ADAM18: variants seen among roughly 807,000 people sequenced by gnomAD.
ADAM18 encodes the protein disintegrin and metalloproteinase domain-containing protein 18.
A neutral mutation model predicts 94.4 loss-of-function variants in ADAM18; 117 were observed. That is an observed-to-expected ratio of 1.24 (90% confidence interval 1.07 to 1.45). The LOEUF (loss-of-function observed/expected upper bound fraction) is 1.45. Ranked by LOEUF, ADAM18 falls within the 40% of genes most tolerant of loss-of-function variation. The probability of loss-of-function intolerance (pLI) is 0.00; values close to 1 mark genes in which losing one functional copy is unlikely to be tolerated. For missense variants in ADAM18, 936 were observed against 880.0 expected (o/e 1.06, Z -0.81); for synonymous variants, 327 against 291.6 (o/e 1.12, Z -1.24).
At position 39,619,411 on chromosome 8, in the gene ADAM18, T is replaced by A. The variant is rs117157863; in HGVS notation, c.522+8705T>A. The stretch of plus-strand genomic sequence containing the variant: ...GAGCATTCTCCAGGATAAGTCATAT[T>A]CTGTGACACAAAACAAGTCTTAACA... On this transcript the variant is annotated intron_variant, in intron 6 of 19. Transcript: ENST00000265707. Among the ~76,000 whole-genome samples, 1,017 of 152,346 alleles carry A rather than the reference T, an allele frequency of 6.7e-3. 10 individuals are homozygous for A. The highest frequency in any genetic ancestry group is 0.037 in the Middle Eastern group (11 of 294).
At chr8:39,721,535 GAGTCTATA>G (rs1188237948) in intron 18 of ADAM18, among the ~76,000 whole-genome samples, 2 of 151,330 alleles carry the variant, frequency 1.3e-5, no homozygotes, top group Non-Finnish European at 3.0e-5. Flanking sequence ...CTGTTATCCA[GAGTCTATA>G]AGGAACTAAA....
chr8:39,718,792 T>C (rs1822657394), intron 18 of ADAM18, among the ~76,000 whole-genome samples: 1 of 85,570 alleles, frequency 1.2e-5, no homozygotes, highest in Non-Finnish European at 3.3e-5. Context: ...AGCCAGAAAA[T>C]GTGAGATTGT....
At chr8:39,596,633 T>C (rs1243238256) in intron 2 of ADAM18, among the ~76,000 whole-genome samples, 1 of 152,206 alleles carries the variant, frequency 6.6e-6, no homozygotes, top group Non-Finnish European at 1.5e-5. Flanking sequence ...CTGCCATAAA[T>C]ATTTCTGTAT....
At chr8:39,609,332 T>C (rs896366711) in intron 4 of ADAM18, among the ~76,000 whole-genome samples, 153 bp from the exon 5 acceptor site, 1 of 152,140 alleles carries the variant, frequency 6.6e-6, no homozygotes, top group Non-Finnish European at 1.5e-5. Flanking sequence ...ATAAAGAGAA[T>C]TGTCACAAAT....
chr8:39,707,031 G>A (rs993766586), intron 18 of ADAM18, 127 bp downstream of exon 18: 1 of 579,160 alleles, frequency 1.7e-6, no homozygotes, highest in Non-Finnish European at 3.0e-6. Flanking sequence ...ATTTGTGGGG[G>A]ATACATTCTA....
intron 7 of ADAM18, among the ~76,000 whole-genome samples, chr8:39,632,963 G>A (rs1819974199): frequency 1.3e-5 from 2 of 152,100 alleles, no homozygotes; most frequent in African/African-American, 4.8e-5. Flanking sequence ...ATGACTTTAA[G>A]GCATGAGGCA....
At chr8:39,663,992 T>A in intron 13 of ADAM18, 102 bp downstream of exon 13, 1 of 775,480 alleles carries the variant, frequency 1.3e-6, no homozygotes, top group Non-Finnish European at 2.0e-6. Context: ...ATAAGGAATT[T>A]AGTGAAATAA....
intron 12 of ADAM18, among the ~76,000 whole-genome samples, chr8:39,661,049 T>C (rs1389305545): frequency 6.6e-6 from 1 of 152,030 alleles, no homozygotes; most frequent in African/African-American, 2.4e-5. Context: ...TTTGGGATTC[T>C]AGAATTTTGG....
At chr8:39,706,429 A>G (rs1283451914) in intron 17 of ADAM18, among the ~76,000 whole-genome samples, 1 of 152,144 alleles carries the variant, frequency 6.6e-6, no homozygotes, top group African/African-American at 2.4e-5. Flanking sequence ...AAATGTCCAA[A>G]TAGTGACAAC....
intron 17 of ADAM18, among the ~76,000 whole-genome samples, chr8:39,699,687 A>T (rs1822011499): frequency 1.3e-5 from 2 of 152,170 alleles, no homozygotes; most frequent in Admixed American, 1.3e-4. Context: ...TGCTGATTGA[A>T]TACAAGTGTG....
intron 2 of ADAM18, among the ~76,000 whole-genome samples, chr8:39,594,877 T>C (rs1011780242): frequency 2.0e-5 from 3 of 151,238 alleles, no homozygotes; most frequent in African/African-American, 7.3e-5. Context: ...AGGTTTATGA[T>C]TTTGTCAAAT....
intron 2 of ADAM18, among the ~76,000 whole-genome samples, chr8:39,597,694 C>T (rs368302761): frequency 5.9e-5 from 9 of 152,138 alleles, no homozygotes; most frequent in African/African-American, 2.2e-4. Flanking sequence ...ATAGTTCAGT[C>T]TTGACATCAG....
At chr8:39,724,853 A>G (rs977764542) in intron 19 of ADAM18, among the ~76,000 whole-genome samples, 1 of 151,970 alleles carries the variant, frequency 6.6e-6, no homozygotes, top group African/African-American at 2.4e-5. Context: ...CCAAATATTT[A>G]TAGATTTCCC....
chr8:39,587,225 CTAA>C (rs1818430575), intron 2 of ADAM18, among the ~76,000 whole-genome samples: 2 of 152,136 alleles, frequency 1.3e-5, no homozygotes, highest in Non-Finnish European at 2.9e-5. Context: ...GTGTTTTGTG[CTAA>C]GAATGCTGAA....
At chr8:39,585,254 C>G (rs1303259988) in intron 1 of ADAM18, 22 bp from the exon 2 acceptor site, 2 of 1,599,088 alleles carry the variant, frequency 1.3e-6, no homozygotes, top group Middle Eastern at 1.7e-4. Flanking sequence ...AAGACAAAAA[C>G]AAACACATTT....
chr8:39,695,718 CATG>C (rs1477799972), intron 17 of ADAM18, among the ~76,000 whole-genome samples: 1 of 151,324 alleles, frequency 6.6e-6, no homozygotes, highest in South Asian at 2.1e-4. Context: ...TTTCACTTAG[CATG>C]ATATTTTCAA....
intron 2 of ADAM18, among the ~76,000 whole-genome samples, chr8:39,599,539 A>G (rs1818841222): frequency 6.6e-6 from 1 of 152,150 alleles, no homozygotes; most frequent in Non-Finnish European, 1.5e-5. Context: ...TAATAGATGT[A>G]TCTCAATGGG....
chr8:39,669,672 C>T (rs1206495013), intron 14 of ADAM18, among the ~76,000 whole-genome samples: 7 of 151,940 alleles, frequency 4.6e-5, no homozygotes, highest in Non-Finnish European at 8.8e-5. Context: ...GCATAGTATT[C>T]CATGGTGTAT....
chr8:39,602,325 C>G (rs1469158659), intron 2 of ADAM18, among the ~76,000 whole-genome samples: 2 of 152,156 alleles, frequency 1.3e-5, no homozygotes, highest in Non-Finnish European at 2.9e-5. Context: ...TCCAATTACT[C>G]TACGTACACA....
Sources: gnomAD v4.1 joint callset for allele counts (sites outside exome capture counted in the v4.1 genomes callset) on GRCh38, gnomAD v4.1.1 for gene constraint, MANE v1.5 for transcripts, NCBI Gene and HGNC (gene_info 2026-07-23, HGNC 2026-07-21) for gene names.